KDM4C: variants seen among roughly 807,000 people sequenced by gnomAD.
The protein encoded by KDM4C is lysine demethylase 4C.
In KDM4C, 81 loss-of-function variants were observed where a neutral mutation model predicts 129.3. The observed-to-expected ratio is 0.63, with a 90% CI of 0.52 to 0.75. The LOEUF is 0.75. KDM4C is among the 30% of genes least tolerant of loss of function. KDM4C has a pLI of 0.00. For synonymous variants in KDM4C, 573 were observed against 456.1 expected (o/e 1.26, Z -3.26); for missense variants, 1,457 against 1,304.0 (o/e 1.12, Z -1.81).
At chr9:6,945,328 A>G (rs1432798261) in intron 8 of KDM4C, among the ~76,000 whole-genome samples, 2 of 152,180 alleles carry the variant, frequency 1.3e-5, no homozygotes, top group South Asian at 2.1e-4. Context: ...AACTAAACCA[A>G]TTTTACCTGT....
intron 17 of KDM4C, among the ~76,000 whole-genome samples, chr9:7,061,377 C>G (rs1009360920): frequency 2.0e-5 from 3 of 152,204 alleles, no homozygotes; most frequent in African/African-American, 4.8e-5. Context: ...TTTTGACTGC[C>G]TGTCATCTAC....
At chr9:7,114,595 CA>C (rs1469964123) in intron 18 of KDM4C, among the ~76,000 whole-genome samples, 1 of 152,118 alleles carries the variant, frequency 6.6e-6, no homozygotes. Context: ...TATAAAACTG[CA>C]AATTGACCCT....
chr9:6,923,394 G>T (rs895725775), intron 8 of KDM4C, among the ~76,000 whole-genome samples: 9 of 151,978 alleles, frequency 5.9e-5, no homozygotes, highest in African/African-American at 2.2e-4. Context: ...CATTTATACT[G>T]ACTTTTTTTC....
rs551231496 is a variant in KDM4C, at chr9:7,175,284, A to G, written c.*555A>G. The G allele has an allele frequency of 6.5e-6, 1 of 152,818 alleles. No individual in the cohort carries two copies. The highest frequency in any genetic ancestry group is 2.1e-4 in the South Asian group (1 of 4,838). 9.5% of individuals were successfully genotyped at this position (152,818 alleles called of 1,614,324 possible). A position where few individuals can be genotyped will look rare whatever the true frequency, so the allele number is the denominator to read the frequency against. On this transcript the variant is annotated 3_prime_UTR_variant, in exon 22 of 22. Coordinates refer to ENST00000381309, the MANE Select transcript of KDM4C (RefSeq NM_015061.6). ...CGTGTGCTATCTGTATTTCCCTTGT[A>G]CAGAACTTTTACATTTTTGAATATT...
chr9:7,062,479 C>A (rs1247900803), intron 17 of KDM4C, among the ~76,000 whole-genome samples: 4 of 152,116 alleles, frequency 2.6e-5, no homozygotes, highest in African/African-American at 9.7e-5. Context: ...CCTTTACTTC[C>A]TGGGCTTAAG....
intron 4 of KDM4C, among the ~76,000 whole-genome samples, chr9:6,841,727 A>G (rs1836957486): frequency 6.6e-6 from 1 of 152,200 alleles, no homozygotes; most frequent in Non-Finnish European, 1.5e-5. Context: ...GCAAGTGACT[A>G]TAGCTATTCC....
intron 20 of KDM4C, among the ~76,000 whole-genome samples, chr9:7,166,958 C>T (rs1046032148): frequency 3.9e-5 from 6 of 152,134 alleles, no homozygotes; most frequent in South Asian, 2.1e-4. Context: ...TGTTTTGTGT[C>T]TAATTATTCA....
intron 10 of KDM4C, among the ~76,000 whole-genome samples, chr9:6,985,925 A>C (rs866777378): frequency 1.3e-5 from 2 of 152,214 alleles, no homozygotes; most frequent in Non-Finnish European, 2.9e-5. Context: ...TTCTGGCCTC[A>C]AGTGATCCAC....
intron 15 of KDM4C, among the ~76,000 whole-genome samples, chr9:7,021,547 A>G (rs961606401): frequency 6.6e-6 from 1 of 152,062 alleles, no homozygotes; most frequent in Non-Finnish European, 1.5e-5. Context: ...AGTTCCTTTT[A>G]TATTCTAGTT....
chr9:6,740,352 C>T (rs1397012999), intron 1 of KDM4C, among the ~76,000 whole-genome samples: 4 of 151,932 alleles, frequency 2.6e-5, no homozygotes, highest in Non-Finnish European at 4.4e-5. Flanking sequence ...TACAGGCGCC[C>T]GTCACCCCAC....
At chr9:6,857,187 C>G (rs1840014548) in intron 5 of KDM4C, among the ~76,000 whole-genome samples, 1 of 152,108 alleles carries the variant, frequency 6.6e-6, no homozygotes, top group South Asian at 2.1e-4. Context: ...AGTATTGTTA[C>G]TTTGGGAGGC....
intron 11 of KDM4C, 65 bp from the exon 12 acceptor site, chr9:6,990,351 G>GTT (rs112486972): frequency 7.4e-4 from 591 of 803,934 alleles, no homozygotes; most frequent in Non-Finnish European, 8.3e-4. Context: ...GAACTGTAGG[G>GTT]TTTTTTTTTT....
intron 1 of KDM4C, among the ~76,000 whole-genome samples, chr9:6,734,270 T>C (rs1045683305): frequency 5.9e-5 from 9 of 151,376 alleles, no homozygotes; most frequent in South Asian, 2.1e-4. Context: ...AGTGGAAAGT[T>C]ATGTAAACCC....
intron 19 of KDM4C, among the ~76,000 whole-genome samples, chr9:7,159,849 C>A (rs891513005): frequency 2.6e-5 from 4 of 152,098 alleles, no homozygotes; most frequent in African/African-American, 7.2e-5. Flanking sequence ...GTGGTGTTCT[C>A]TGTATTTCCT....
intron 2 of KDM4C, among the ~76,000 whole-genome samples, chr9:6,800,493 C>T (rs1177892381): frequency 4.0e-5 from 6 of 151,738 alleles, no homozygotes; most frequent in African/African-American, 1.2e-4. Flanking sequence ...GAGCTGCGAT[C>T]ATGCCACTAT....
At chr9:6,728,902 A>C (rs1817232662) in intron 1 of KDM4C, among the ~76,000 whole-genome samples, 1 of 151,788 alleles carries the variant, frequency 6.6e-6, no homozygotes, top group East Asian at 1.9e-4. Context: ...CCAGAAAAAA[A>C]TTGTATGAAA....
At chr9:6,762,911 C>G (rs820511) in intron 1 of KDM4C, among the ~76,000 whole-genome samples, 123,652 of 151,828 alleles carry the variant, frequency 0.81, 50,675 homozygotes, top group African/African-American at 0.92. Context: ...CACCCCCTCA[C>G]CCTCCCAAAT....
intron 8 of KDM4C, chr9:6,925,105 T>C: frequency 1.0e-6 from 1 of 985,460 alleles, no homozygotes; most frequent in Non-Finnish European, 1.2e-6. Flanking sequence ...GTACAGACCA[T>C]GCATTTTTCC....
chr9:7,013,726 T>C, intron 13 of KDM4C, 62 bp from the exon 14 acceptor site: 1 of 1,492,504 alleles, frequency 6.7e-7, no homozygotes, highest in South Asian at 1.2e-5. Context: ...TGGATTTGAG[T>C]GACTAGAATG....
Sources: gnomAD v4.1 joint callset for allele counts (sites outside exome capture counted in the v4.1 genomes callset) on GRCh38, gnomAD v4.1.1 for gene constraint, MANE v1.5 for transcripts, NCBI Gene and HGNC (gene_info 2026-07-23, HGNC 2026-07-21) for gene names.